The following CTIF variants were observed in gnomAD, a reference collection of about 807,000 sequenced individuals.
CTIF encodes the protein cap binding complex dependent translation initiation factor, also known as CBP80/20-dependent translation initiation factor.
In CTIF, 21 loss-of-function variants were observed where a neutral mutation model predicts 66.0. The observed-to-expected ratio is 0.32, with a 90% CI of 0.23 to 0.46. The LOEUF is 0.46. Among genes scored for constraint, CTIF ranks in the 20% least tolerant of loss-of-function variants. The pLI is 1.00. For missense variants in CTIF, 739 were observed against 812.7 expected (o/e 0.91, Z 1.10); for synonymous variants, 345 against 326.4 (o/e 1.06, Z -0.62).
At chr18:48,574,926 C>T (rs1433337809) in intron 1 of CTIF, among the ~76,000 whole-genome samples, 1 of 152,190 alleles carries the variant, frequency 6.6e-6, no homozygotes, top group Non-Finnish European at 1.5e-5. Flanking sequence ...GAAATATGGG[C>T]TAGCCACATG....
intron 3 of CTIF, among the ~76,000 whole-genome samples, chr18:48,651,044 C>T (rs995158881): frequency 6.6e-6 from 1 of 152,144 alleles, no homozygotes; most frequent in African/African-American, 2.4e-5. Flanking sequence ...AAAAACATGC[C>T]AAATTCTAAA....
chr18:48,656,097 T>G (rs543757585), intron 3 of CTIF, among the ~76,000 whole-genome samples: 65 of 152,334 alleles, frequency 4.3e-4, no homozygotes, highest in South Asian at 1.7e-3. Flanking sequence ...AATCCCTCTC[T>G]CTTCACTGCA....
intron 9 of CTIF, among the ~76,000 whole-genome samples, chr18:48,793,503 G>A (rs191555360): frequency 9.2e-4 from 140 of 152,212 alleles, no homozygotes; most frequent in African/African-American, 3.2e-3. Context: ...TAAGTTTTTA[G>A]CGCCCACTAT....
intron 9 of CTIF, among the ~76,000 whole-genome samples, chr18:48,766,146 A>G (rs1379454841): frequency 7.3e-6 from 1 of 136,234 alleles, no homozygotes; most frequent in Non-Finnish European, 1.5e-5. Context: ...TAATGTGCCA[A>G]GCATGTTGTC....
At chr18:48,745,497 C>G (rs1352186350) in intron 7 of CTIF, among the ~76,000 whole-genome samples, 1 of 152,206 alleles carries the variant, frequency 6.6e-6, no homozygotes, top group East Asian at 1.9e-4. Context: ...ATTGATGATT[C>G]TTGCTTGAAA....
chr18:48,650,794 G>A (rs1434211146), intron 3 of CTIF, among the ~76,000 whole-genome samples: 1 of 152,108 alleles, frequency 6.6e-6, no homozygotes, highest in Non-Finnish European at 1.5e-5. Context: ...AACTCTACAA[G>A]CCAGAAGAGA....
At chr18:48,578,378 A>G (rs1272576217) in intron 1 of CTIF, among the ~76,000 whole-genome samples, 1 of 152,202 alleles carries the variant, frequency 6.6e-6, no homozygotes, top group African/African-American at 2.4e-5. Context: ...GTGACTCTAT[A>G]TTAACCTTTT....
At chr18:48,738,249 G>T (rs557045639) in intron 7 of CTIF, among the ~76,000 whole-genome samples, 2 of 152,188 alleles carry the variant, frequency 1.3e-5, no homozygotes, top group Non-Finnish European at 1.5e-5. Context: ...ACTCCTGCCC[G>T]CTGGGCCAAG....
intron 1 of CTIF, among the ~76,000 whole-genome samples, chr18:48,575,442 C>T (rs891377584): frequency 6.6e-6 from 1 of 152,232 alleles, no homozygotes; most frequent in African/African-American, 2.4e-5. Flanking sequence ...ACTGTGAACA[C>T]TGCCGACTTT....
chr18:48,799,686 G>T (rs764238478), intron 9 of CTIF, among the ~76,000 whole-genome samples: 8 of 152,052 alleles, frequency 5.3e-5, no homozygotes, highest in Non-Finnish European at 1.2e-4. Flanking sequence ...ATTAATATAG[G>T]GGCCAGAAGC....
chr18:48,580,400 A>G (rs539497562), intron 1 of CTIF, among the ~76,000 whole-genome samples: 1 of 152,276 alleles, frequency 6.6e-6, no homozygotes, highest in Non-Finnish European at 1.5e-5. Context: ...ACTGCGCATT[A>G]GAATTTAGTA....
At chr18:48,818,719 C>G (rs569810179) in intron 10 of CTIF, among the ~76,000 whole-genome samples, 8 of 152,152 alleles carry the variant, frequency 5.3e-5, no homozygotes, top group African/African-American at 1.4e-4. Flanking sequence ...TGGACGCCTC[C>G]CCCATGTTGT....
chr18:48,581,420 T>C (rs2089654109), intron 1 of CTIF, among the ~76,000 whole-genome samples: 1 of 139,390 alleles, frequency 7.2e-6, no homozygotes, highest in African/African-American at 3.4e-5. Context: ...AAGAGCTTTT[T>C]TCCCATTTCT....
intron 9 of CTIF, among the ~76,000 whole-genome samples, chr18:48,787,158 G>A (rs1158855620): frequency 9.2e-5 from 14 of 152,068 alleles, no homozygotes; most frequent in South Asian, 2.1e-4. Context: ...GGGGGGCACC[G>A]GCCCAGAAGG....
intron 3 of CTIF, among the ~76,000 whole-genome samples, chr18:48,643,301 A>G (rs1033090184): frequency 2.6e-5 from 4 of 152,256 alleles, no homozygotes; most frequent in Non-Finnish European, 4.4e-5. Flanking sequence ...CCAAAGATAC[A>G]GGGAAAATTA....
In CTIF at chr18:48,653,617, A is replaced by G. The variant is rs566536515; in HGVS notation, c.253-10135A>G. 1.1e-3 allele frequency among the ~76,000 whole-genome samples: 173 copies of G among 152,324 alleles called. 1 individual carries two copies. Among genetic ancestry groups the G allele is most frequent in the African/African-American group, 4.1e-3 (170 of 41,566 alleles). On this transcript the variant is annotated intron_variant, in intron 3 of 11. Coordinates refer to ENST00000256413, the MANE Select transcript of CTIF (RefSeq NM_014772.3). Reference sequence around the variant, plus strand: ...CAATGACTTTCTTCACAGAATTGGAAAAAACTACTTTAAAGTTCATATGGA... The same window carrying G: ...CAATGACTTTCTTCACAGAATTGGAGAAAACTACTTTAAAGTTCATATGGA...
At chr18:48,576,862 G>C (rs1040009487) in intron 1 of CTIF, among the ~76,000 whole-genome samples, 11 of 152,340 alleles carry the variant, frequency 7.2e-5, no homozygotes, top group African/African-American at 2.4e-4. Context: ...GGTTTTCTGG[G>C]CTTCGCCACT....
intron 10 of CTIF, among the ~76,000 whole-genome samples, chr18:48,846,669 G>C (rs1410330057): frequency 6.6e-6 from 1 of 151,990 alleles, no homozygotes; most frequent in East Asian, 1.9e-4. Flanking sequence ...GTGGATGGAT[G>C]GATGGATGAA....
At chr18:48,572,773 A>T (rs1167071633) in intron 1 of CTIF, among the ~76,000 whole-genome samples, 1 of 151,780 alleles carries the variant, frequency 6.6e-6, no homozygotes, top group African/African-American at 2.4e-5. Flanking sequence ...GGATTGCTTG[A>T]CCCCAGGAGT....
Sources: gnomAD v4.1 joint callset for allele counts (sites outside exome capture counted in the v4.1 genomes callset) on GRCh38, gnomAD v4.1.1 for gene constraint, MANE v1.5 for transcripts, NCBI Gene and HGNC (gene_info 2026-07-23, HGNC 2026-07-21) for gene names.